The following DOCK7 variants were observed in gnomAD, a reference collection of about 807,000 sequenced individuals.
The protein encoded by DOCK7 is dedicator of cytokinesis 7.
DOCK7 carries 138 observed loss-of-function variants against 271.0 expected under a neutral mutation model. The ratio of observed to expected loss-of-function variants is 0.51; its 90% CI spans 0.44 to 0.59. The LOEUF (loss-of-function observed/expected upper bound fraction) is 0.59. DOCK7 is among the 20% of genes least tolerant of loss of function. DOCK7 has a pLI of 0.00. For missense variants in DOCK7, 2,066 were observed against 2,592.4 expected, an observed-to-expected ratio of 0.80 and a Z score of 4.41; for synonymous variants, 823 against 876.1, an observed-to-expected ratio of 0.94 and a Z score of 1.07.
chr1:62,604,199 G>A (rs1650593961), intron 14 of DOCK7: 1 of 1,613,162 alleles, frequency 6.2e-7, no homozygotes, highest in African/African-American at 1.3e-5. Flanking sequence ...GGATCACAAA[G>A]CAAAAGGACA....
intron 22 of DOCK7, among the ~76,000 whole-genome samples, chr1:62,548,776 G>C (rs1230221623): frequency 6.6e-6 from 1 of 152,118 alleles, no homozygotes; most frequent in South Asian, 2.1e-4. Flanking sequence ...CAGAGCACAG[G>C]GTAGAAGTAG....
At chr1:62,485,048 C>A in intron 43 of DOCK7, 1 of 651,776 alleles carries the variant, frequency 1.5e-6, no homozygotes. Flanking sequence ...GTGGGAAGAT[C>A]ACCTGAACTC....
At chr1:62,471,516 C>T (rs1645830240) in intron 48 of DOCK7, among the ~76,000 whole-genome samples, 2 of 152,100 alleles carry the variant, frequency 1.3e-5, no homozygotes, top group South Asian at 4.1e-4. Context: ...ACCCAGCCAA[C>T]CAAACATAAC....
intron 2 of DOCK7, among the ~76,000 whole-genome samples, chr1:62,655,848 T>A (rs1657957068): frequency 6.6e-6 from 1 of 152,210 alleles, no homozygotes; most frequent in Non-Finnish European, 1.5e-5. Flanking sequence ...CCCCAAACCC[T>A]GTAAGTTAGA....
Position 62,539,895 on chromosome 1 carries a change from G to GA in DOCK7, c.3046-4dup, listed in dbSNP as rs574290909. ...AAATGGTGCACCATGCTCTTTACCT[G>GA]AAAAAAAGATATAAATTATTAATTT... On this transcript the variant is annotated splice_region_variant and splice_polypyrimidine_tract_variant and intron_variant, in intron 25 of 49. Transcript: ENST00000635253. 1.9e-6 allele frequency: 3 copies of GA among 1,558,636 alleles called. No homozygotes were observed. The highest frequency in any genetic ancestry group is 1.4e-5 in the African/African-American group (1 of 71,910).
chr1:62,600,399 CTAGGAAA>C (rs1649934791), intron 14 of DOCK7, among the ~76,000 whole-genome samples: 2 of 151,784 alleles, frequency 1.3e-5, no homozygotes, highest in Admixed American at 1.3e-4. Context: ...AAATAAGGTC[CTAGGAAA>C]TATCATTCAT....
intron 37 of DOCK7, among the ~76,000 whole-genome samples, chr1:62,501,661 A>AT (rs936626572): frequency 6.6e-6 from 1 of 151,940 alleles, no homozygotes; most frequent in Non-Finnish European, 1.5e-5. Flanking sequence ...CTTTTTGAAC[A>AT]TTTTTTCTAA....
chr1:62,660,516 G>A (rs930635186), intron 2 of DOCK7, among the ~76,000 whole-genome samples: 15 of 152,146 alleles, frequency 9.9e-5, no homozygotes, highest in African/African-American at 3.4e-4. Flanking sequence ...TTGAACCCTT[G>A]TGCATTGACG....
intron 35 of DOCK7, 149 bp from the exon 36 acceptor site, chr1:62,505,965 T>C (rs1281427325): frequency 1.4e-6 from 1 of 698,516 alleles, no homozygotes; most frequent in South Asian, 3.0e-5. Flanking sequence ...AGATCTAGGA[T>C]GGCTTCAAGA....
At chr1:62,675,643 G>C (rs1177961606) in intron 1 of DOCK7, among the ~76,000 whole-genome samples, 1 of 152,060 alleles carries the variant, frequency 6.6e-6, no homozygotes, top group African/African-American at 2.4e-5. Context: ...AAATTAGCCA[G>C]GCATAGTGGC....
Position 62,475,317 on chromosome 1 carries a change from T to A in DOCK7, c.5996A>T (p.Asp1999Val). Residue 1999 changes from aspartate to valine, a missense_variant, in exon 47 of 50, where the codon GAC (aspartate) becomes GTC (valine). Physicochemically the swap from Asp to Val is radical, Grantham distance 152. Coordinates refer to ENST00000635253, the MANE Select transcript of DOCK7 (RefSeq NM_001367561.1). ...ILTPIEVAIE[D>V]MQKKTQELAF... ...CAACTCCTGTGTCTTTTTCTGCATG[T>A]CCTCAATAGCAACTTCAATTGGTGT... is the stretch of plus-strand genomic sequence containing the variant. The A allele has an allele frequency of 6.2e-7, 1 of 1,614,022 alleles. No individual in the cohort carries two copies. The highest frequency in any genetic ancestry group is 1.1e-5 in the South Asian group (1 of 91,074).
chr1:62,535,484 T>G lies in DOCK7; in HGVS notation c.3611+9A>C, dbSNP rs376790766. The G allele has an allele frequency of 6.2e-7, 1 of 1,611,130 alleles. No homozygotes were observed. The highest frequency in any genetic ancestry group is 8.5e-7 in the Non-Finnish European group (1 of 1,178,670). ...TCATATTCTACAAGGTAAAAACTAG[T>G]GTACTCACCCTTCAGCATCAGGGTC... On this transcript the variant is annotated intron_variant, in intron 29 of 49. Coordinates refer to ENST00000635253, the MANE Select transcript of DOCK7 (RefSeq NM_001367561.1).
intron 7 of DOCK7, among the ~76,000 whole-genome samples, chr1:62,642,704 C>G (rs1323071169): frequency 6.6e-6 from 1 of 152,158 alleles, no homozygotes; most frequent in Non-Finnish European, 1.5e-5. Context: ...TCTATTACCA[C>G]AAACACAGGT....
intron 43 of DOCK7, chr1:62,479,061 A>G (rs1646044346): frequency 6.6e-6 from 1 of 152,128 alleles, no homozygotes; most frequent in Non-Finnish European, 1.5e-5. Flanking sequence ...AATTTTTACA[A>G]TTTAGATACA....
At position 62,514,817 on chromosome 1, in the gene DOCK7, T is replaced by C. The variant is rs376909221; in HGVS notation, c.3937-919A>G. Among the ~76,000 whole-genome samples, 4 of 152,114 alleles carry C rather than the reference T, an allele frequency of 2.6e-5. No individual in the cohort carries two copies. The East Asian group carries it at 5.8e-4, about 22-fold the overall frequency. ...GGCTAGAGAGTAATTTGCCTTACTA[T>C]ACCAAGAAAGGGTAAAGCTAGGATT... On this transcript the variant is annotated intron_variant, in intron 31 of 49. Transcript: ENST00000635253.
At chr1:62,505,879 A>G in intron 35 of DOCK7, 63 bp from the exon 36 acceptor site, 2 of 1,521,140 alleles carry the variant, frequency 1.3e-6, no homozygotes, top group South Asian at 1.2e-5. Context: ...TGGATGTTAC[A>G]GGCCTCCCTA....
At chr1:62,526,638 A>T (rs1645018168) in intron 31 of DOCK7, among the ~76,000 whole-genome samples, 1 of 152,212 alleles carries the variant, frequency 6.6e-6, no homozygotes, top group African/African-American at 2.4e-5. Flanking sequence ...TCGTGGCAGC[A>T]TTATTCTTAA....
At chr1:62,496,776 CAT>C (rs1473485573) in intron 37 of DOCK7, among the ~76,000 whole-genome samples, 25 of 152,048 alleles carry the variant, frequency 1.6e-4, no homozygotes, top group Non-Finnish European at 2.8e-4. Flanking sequence ...TTATTATGGG[CAT>C]ATGTTATTAA....
At chr1:62,604,055 G>A in intron 14 of DOCK7, 1 of 1,613,150 alleles carries the variant, frequency 6.2e-7, no homozygotes, top group Non-Finnish European at 8.5e-7. Context: ...AGACTGGAAA[G>A]ACAACAAACA....
Sources: allele counts gnomAD v4.1 joint callset (sites outside exome capture counted in the v4.1 genomes callset), GRCh38; gene constraint gnomAD v4.1.1; transcripts MANE v1.5; gene names NCBI Gene and HGNC (gene_info 2026-07-23, HGNC 2026-07-21).